Variants in ST6GALNAC3 observed in about 807,000 individuals in gnomAD.
ST6GALNAC3 encodes alpha-N-acetylgalactosaminide alpha-2,6-sialyltransferase 3.
In ST6GALNAC3, 25 loss-of-function variants were observed where a neutral mutation model predicts 32.7. The observed-to-expected ratio is 0.76, with a 90% confidence interval of 0.56 to 1.07. The LOEUF (loss-of-function observed/expected upper bound fraction) is 1.07. Among genes scored for constraint, ST6GALNAC3 ranks in the 50% least tolerant of loss-of-function variants. The pLI is 0.00. For missense variants in ST6GALNAC3, 355 were observed against 382.4 expected, an observed-to-expected ratio of 0.93 and a Z score of 0.60; for synonymous variants, 129 against 133.1, an observed-to-expected ratio of 0.97 and a Z score of 0.21.
chr1:76,113,652 GTTAT>G (rs1333637283), intron 1 of ST6GALNAC3, among the ~76,000 whole-genome samples: 37 of 151,998 alleles, frequency 2.4e-4, no homozygotes, highest in African/African-American at 8.4e-4. Context: ...TTGGCCAGAG[GTTAT>G]TTGACTGCTT....
At chr1:76,445,791 A>G (rs1379098441) in intron 3 of ST6GALNAC3, among the ~76,000 whole-genome samples, 2 of 152,102 alleles carry the variant, frequency 1.3e-5, no homozygotes, top group Admixed American at 1.3e-4. Context: ...CATGTACTTA[A>G]AAATCTGTTT....
chr1:76,210,329 C>A (rs935392032), intron 1 of ST6GALNAC3, among the ~76,000 whole-genome samples: 2 of 152,108 alleles, frequency 1.3e-5, no homozygotes, highest in African/African-American at 4.8e-5. Context: ...TTTTCCTTCC[C>A]CATGTGAACC....
At chr1:76,525,801 A>ATATATATATATATATATATATATATG (rs1662863034) in intron 3 of ST6GALNAC3, among the ~76,000 whole-genome samples, 1 of 67,790 alleles carries the variant, frequency 1.5e-5, no homozygotes, top group African/African-American at 9.3e-5. Context: ...GTATATATAT[A>ATATATATATATATATATATATATATG]TATATATATA....
chr1:76,633,684 T>C lies in ST6GALNAC3; in HGVS notation c.*4878T>C, dbSNP rs1461363558. On this transcript the variant is annotated 3_prime_UTR_variant, in exon 5 of 5. Coordinates refer to ENST00000328299, the MANE Select transcript of ST6GALNAC3 (RefSeq NM_152996.4). ...TATCCATCAGCACTAACACCACCCT[T>C]TGGGTTCATGCTCATCCCTGCACTC... 2 of 152,180 alleles carry C rather than the reference T, an allele frequency of 1.3e-5. No homozygotes were observed. Among genetic ancestry groups the C allele is most frequent in the African/African-American group, 4.8e-5 (2 of 41,442 alleles). The allele number at this position is 152,180 out of a possible 1,614,324, so 9.4% of individuals were successfully genotyped here. A position where few individuals can be genotyped will look rare whatever the true frequency, so the allele number is the denominator to read the frequency against.
chr1:76,310,046 C>G, intron 1 of ST6GALNAC3: 1 of 472,226 alleles, frequency 2.1e-6, no homozygotes, highest in South Asian at 1.5e-5. Context: ...TCCCCAAACC[C>G]CCAGCCATGC....
chr1:76,154,557 C>G (rs1651274012), intron 1 of ST6GALNAC3, among the ~76,000 whole-genome samples: 1 of 152,162 alleles, frequency 6.6e-6, no homozygotes, highest in Admixed American at 6.5e-5. Flanking sequence ...TGATTGTAAC[C>G]CAGGGTTTTT....
At chr1:76,453,220 C>T (rs562331609) in intron 3 of ST6GALNAC3, among the ~76,000 whole-genome samples, 1 of 152,122 alleles carries the variant, frequency 6.6e-6, no homozygotes, top group South Asian at 2.1e-4. Context: ...TTTATCTTTT[C>T]AAATAACCAG....
At chr1:76,208,783 A>G (rs185832230) in intron 1 of ST6GALNAC3, among the ~76,000 whole-genome samples, 81 of 152,326 alleles carry the variant, frequency 5.3e-4, no homozygotes, top group Non-Finnish European at 9.7e-4. Context: ...AGCGAGATGC[A>G]TCATCAATAC....
At chr1:76,251,719 T>G (rs1657627272) in intron 1 of ST6GALNAC3, among the ~76,000 whole-genome samples, 1 of 152,154 alleles carries the variant, frequency 6.6e-6, no homozygotes, top group Non-Finnish European at 1.5e-5. Context: ...ATTTTTCTCT[T>G]GCTCCAATCC....
intron 3 of ST6GALNAC3, among the ~76,000 whole-genome samples, chr1:76,450,337 T>G (rs1657300999): frequency 6.6e-6 from 1 of 152,168 alleles, no homozygotes; most frequent in South Asian, 2.1e-4. Context: ...TCATTAGTGA[T>G]TTTTTAAAAT....
chr1:76,168,645 T>A (rs915630613), intron 1 of ST6GALNAC3, among the ~76,000 whole-genome samples: 1 of 152,324 alleles, frequency 6.6e-6, no homozygotes, highest in Non-Finnish European at 1.5e-5. Flanking sequence ...CGAATCTGAG[T>A]GTTCCTGTGT....
At chr1:76,524,306 T>A (rs1323567840) in intron 3 of ST6GALNAC3, among the ~76,000 whole-genome samples, 2 of 152,154 alleles carry the variant, frequency 1.3e-5, no homozygotes, top group Non-Finnish European at 2.9e-5. Flanking sequence ...GGTGAACATG[T>A]CCCTTCAATA....
chr1:76,175,317 G>A (rs2100437873), intron 1 of ST6GALNAC3, among the ~76,000 whole-genome samples: 1 of 152,250 alleles, frequency 6.6e-6, no homozygotes, highest in African/African-American at 2.4e-5. Context: ...TCTCCCACCA[G>A]ATAATATGAT....
intron 3 of ST6GALNAC3, among the ~76,000 whole-genome samples, chr1:76,545,186 A>C (rs1664216070): frequency 6.6e-6 from 1 of 152,216 alleles, no homozygotes; most frequent in Admixed American, 6.5e-5. Context: ...ATTCTGAATC[A>C]ATTTAGGACG....
At position 76,398,809 on chromosome 1, in the gene ST6GALNAC3, A is replaced by G. The variant is rs558106548; in HGVS notation, c.214-13199A>G. Among the ~76,000 whole-genome samples the G allele has an allele frequency of 3.3e-5, 5 of 152,318 alleles. No individual in the cohort carries two copies. In the South Asian group the frequency reaches 1.0e-3, roughly 32 times the overall value. On this transcript the variant is annotated intron_variant, in intron 2 of 4. Transcript: ENST00000328299. Reference sequence around the variant, plus strand: ...ACAGTAGAATGCTACAGTTTTCAAAAGTGTTAATGAAAAGTTTACACTCCC... The same window carrying G: ...ACAGTAGAATGCTACAGTTTTCAAAGGTGTTAATGAAAAGTTTACACTCCC...
chr1:76,606,733 A>G (rs1198244344), intron 3 of ST6GALNAC3, among the ~76,000 whole-genome samples: 2 of 151,938 alleles, frequency 1.3e-5, no homozygotes, highest in African/African-American at 2.4e-5. Flanking sequence ...TAAAATGAAA[A>G]GAGTGAAAAA....
intron 1 of ST6GALNAC3, among the ~76,000 whole-genome samples, chr1:76,291,862 T>C (rs531212990): frequency 7.2e-5 from 11 of 152,356 alleles, no homozygotes; most frequent in Admixed American, 3.9e-4. Context: ...CAGTAATGTG[T>C]GAATGTCACA....
intron 3 of ST6GALNAC3, among the ~76,000 whole-genome samples, chr1:76,561,210 A>G (rs1665223302): frequency 2.0e-5 from 3 of 152,140 alleles, no homozygotes. Context: ...TAGGAAGGAT[A>G]GTGGGAGGGT....
chr1:76,260,503 C>T (rs1376813891), intron 1 of ST6GALNAC3, among the ~76,000 whole-genome samples: 4 of 152,202 alleles, frequency 2.6e-5, no homozygotes, highest in East Asian at 1.9e-4. Flanking sequence ...CAACAACAGC[C>T]CTATGAGATA....
Sources: allele counts gnomAD v4.1 joint callset (sites outside exome capture counted in the v4.1 genomes callset), GRCh38; gene constraint gnomAD v4.1.1; transcripts MANE v1.5; gene names NCBI Gene and HGNC (gene_info 2026-07-23, HGNC 2026-07-21).